Variants in MRPS31 observed in about 807,000 individuals in gnomAD.
MRPS31 encodes small ribosomal subunit protein mS31.
MRPS31 carries 32 observed loss-of-function variants against 43.1 expected under a neutral mutation model. The ratio of observed to expected loss-of-function variants is 0.74; its 90% CI spans 0.56 to 1.00. MRPS31 has a LOEUF of 1.00. Ranked by LOEUF, MRPS31 falls within the 50% of genes least tolerant of loss-of-function variation. The pLI is 0.00. For missense variants in MRPS31, 437 were observed against 466.7 expected, an observed-to-expected ratio of 0.94 and a Z score of 0.59; for synonymous variants, 165 against 161.6, an observed-to-expected ratio of 1.02 and a Z score of -0.16.
intron 2 of MRPS31, among the ~76,000 whole-genome samples, chr13:40,759,395 G>A (rs1379748733): frequency 1.3e-5 from 2 of 151,954 alleles, no homozygotes; most frequent in Non-Finnish European, 2.9e-5. Flanking sequence ...CCAAGATCAC[G>A]CCACTGCACT....
intron 2 of MRPS31, among the ~76,000 whole-genome samples, chr13:40,762,798 GTGTGTGT>G (rs1880738419): frequency 1.2e-5 from 1 of 80,646 alleles, no homozygotes; most frequent in South Asian, 5.8e-4. Context: ...GTGTGTGTGT[GTGTGTGT>G]GTGTGTGTGT....
chr13:40,735,652 C>T lies in MRPS31; in HGVS notation c.959-6051G>A, dbSNP rs367718005. Among the ~76,000 whole-genome samples the T allele has an allele frequency of 3.2e-4, 48 of 152,212 alleles. 1 individual carries two copies. The East Asian group carries it at 8.5e-3, about 27-fold the overall frequency. On this transcript the variant is annotated intron_variant, in intron 6 of 6. Coordinates refer to ENST00000323563, the MANE Select transcript of MRPS31 (RefSeq NM_005830.4). Reference sequence around the variant, plus strand: ...ACCCCCGAGCAGCCTAACTGGGAGGCACCCACCAGCAGGGGCAGACTGACA... The same window carrying T: ...ACCCCCGAGCAGCCTAACTGGGAGGTACCCACCAGCAGGGGCAGACTGACA...
At chr13:40,751,622 A>G (rs1219518093) in intron 5 of MRPS31, among the ~76,000 whole-genome samples, 3 of 152,246 alleles carry the variant, frequency 2.0e-5, no homozygotes, top group African/African-American at 7.2e-5. Flanking sequence ...AACTCATTCA[A>G]TCAGTCAATA....
chr13:40,766,333 C>T (rs969228159), intron 2 of MRPS31, among the ~76,000 whole-genome samples: 2 of 152,148 alleles, frequency 1.3e-5, no homozygotes, highest in African/African-American at 4.8e-5. Flanking sequence ...CGCTTGATCC[C>T]CCAGGCTGGA....
rs1431378629 is a variant in MRPS31 at position 40,766,227 on chromosome 13, G to C, written c.440+519C>G. Among the ~76,000 whole-genome samples, 3 of 152,274 alleles carry C rather than the reference G, an allele frequency of 2.0e-5. No individual in the cohort carries two copies. The East Asian group carries it at 5.8e-4, about 29-fold the overall frequency. On this transcript the variant is annotated intron_variant, in intron 2 of 6. Transcript: ENST00000323563. ...ATTTCTCCTTTCCTTTCTCTGGATTGTGTACAGATATCCTCTTGTTATTTA... is the reference window on the plus strand; with the variant it reads ...ATTTCTCCTTTCCTTTCTCTGGATTCTGTACAGATATCCTCTTGTTATTTA...
rs1880038737 is a variant in MRPS31 at position 40,740,090 on chromosome 13, C to T, written c.958+9048G>A. ...TCTACAATGAACTCAAGCAAATTTA[C>T]AAGAAAAAAACAACCCCATCAAAAA... On this transcript the variant is annotated intron_variant, in intron 6 of 6. Transcript: ENST00000323563. 4.6e-5 allele frequency among the ~76,000 whole-genome samples: 7 copies of T among 150,828 alleles called. No homozygotes were observed. The South Asian group carries it at 1.5e-3, about 32-fold the overall frequency.
At chr13:40,735,920 A>C (rs1377141004) in intron 6 of MRPS31, among the ~76,000 whole-genome samples, 1 of 150,696 alleles carries the variant, frequency 6.6e-6, no homozygotes, top group Non-Finnish European at 1.5e-5. Flanking sequence ...AACGGAACAA[A>C]GCTGGATGGA....
At chr13:40,749,995 T>C (rs757275099) in intron 5 of MRPS31, among the ~76,000 whole-genome samples, 4 of 152,212 alleles carry the variant, frequency 2.6e-5, no homozygotes, top group African/African-American at 7.2e-5. Context: ...TTATTCAACA[T>C]AGTCGTTTCA....
chr13:40,730,549 A>G lies in MRPS31; in HGVS notation c.959-948T>C, dbSNP rs111371776. On this transcript the variant is annotated intron_variant, in intron 6 of 6. Coordinates refer to ENST00000323563, the MANE Select transcript of MRPS31 (RefSeq NM_005830.4). ...CAATCAATCAATCAATAGGATAGCA[A>G]TTATTGCCAATGATTATTTTTTTCT... is the stretch of plus-strand genomic sequence containing the variant. Among the ~76,000 whole-genome samples, 489 of 152,250 alleles carry G rather than the reference A, an allele frequency of 3.2e-3. 5 individuals are homozygous for G. Among genetic ancestry groups the G allele is most frequent in the African/African-American group, 0.011 (463 of 41,538 alleles).
At position 40,771,150 on chromosome 13, in the gene MRPS31, A is replaced by G. The variant is rs1245429716; in HGVS notation, c.-14T>C. 1.3e-6 allele frequency: 2 copies of G among 1,592,682 alleles called. No homozygotes were observed. The highest frequency in any genetic ancestry group is 1.7e-6 in the Non-Finnish European group (2 of 1,167,538). On this transcript the variant is annotated 5_prime_UTR_variant, in exon 1 of 7. Transcript: ENST00000323563. Reference sequence around the variant, plus strand: ...TCTAGGAAACATCGCCGAGACACGAAATGAACCAAGAACACAACTGAAATG... The same window carrying G: ...TCTAGGAAACATCGCCGAGACACGAGATGAACCAAGAACACAACTGAAATG...
chr13:40,751,666 A>C (rs1167888270), intron 5 of MRPS31, among the ~76,000 whole-genome samples: 2 of 152,224 alleles, frequency 1.3e-5, no homozygotes, highest in Non-Finnish European at 2.9e-5. Context: ...TATTTCCAGC[A>C]TTATTTCAGG....
intron 6 of MRPS31, 122 bp from the exon 7 acceptor site, chr13:40,729,723 A>T: frequency 1.5e-6 from 1 of 662,884 alleles, no homozygotes; most frequent in Non-Finnish European, 2.5e-6. Flanking sequence ...AGTTAGACCT[A>T]GGTTGCATTT....
chr13:40,744,412 T>C (rs1327217609), intron 6 of MRPS31, among the ~76,000 whole-genome samples: 1 of 151,960 alleles, frequency 6.6e-6, no homozygotes, highest in East Asian at 1.9e-4. Context: ...TAAATGAGAG[T>C]TTTAAAAAGG....
At chr13:40,756,032 C>T (rs1880516606) in intron 4 of MRPS31, among the ~76,000 whole-genome samples, 3 of 152,110 alleles carry the variant, frequency 2.0e-5, no homozygotes, top group Non-Finnish European at 2.9e-5. Context: ...CTTGAACTTC[C>T]GGTGTTAACT....
rs1880462999 is a variant in MRPS31, at chr13:40,754,015, A to C, written c.814+4T>G. 1 of 1,569,036 alleles carries C rather than the reference A, an allele frequency of 6.4e-7. No individual in the cohort carries two copies. The highest frequency in any genetic ancestry group is 1.7e-5 in the Admixed American group (1 of 58,166). On this transcript the variant is annotated splice_donor_region_variant and intron_variant, in intron 5 of 6. Coordinates refer to ENST00000323563, the MANE Select transcript of MRPS31 (RefSeq NM_005830.4). ...CCTGAGAAAGAGTGTTATTCTTAAC[A>C]AACCTGTTTCAGGTGCTTCTTTAGT...
At chr13:40,769,196 T>C (rs1055451195) in intron 1 of MRPS31, among the ~76,000 whole-genome samples, 47 of 151,268 alleles carry the variant, frequency 3.1e-4, no homozygotes, top group African/African-American at 1.1e-3. Context: ...GCCAATATGG[T>C]GAAATCCAGT....
chr13:40,734,989 G>C (rs1879837431), intron 6 of MRPS31, among the ~76,000 whole-genome samples: 1 of 152,226 alleles, frequency 6.6e-6, no homozygotes, highest in Non-Finnish European at 1.5e-5. Flanking sequence ...CGACGCAGAA[G>C]ACGGGTGATT....
At chr13:40,757,162 G>T in intron 3 of MRPS31, 149 bp from the exon 4 acceptor site, 3 of 582,764 alleles carry the variant, frequency 5.1e-6, no homozygotes, top group Non-Finnish European at 8.5e-6. Flanking sequence ...AAAAAATGTC[G>T]CCTATTAACA....
chr13:40,755,840 G>A (rs887330064), intron 4 of MRPS31, among the ~76,000 whole-genome samples: 4 of 152,072 alleles, frequency 2.6e-5, no homozygotes, highest in African/African-American at 7.2e-5. Context: ...TCCTAATGTA[G>A]TTGCACAGAA....
Sources: gnomAD v4.1 joint callset for allele counts (sites outside exome capture counted in the v4.1 genomes callset) on GRCh38, gnomAD v4.1.1 for gene constraint, MANE v1.5 for transcripts, NCBI Gene and HGNC (gene_info 2026-07-23, HGNC 2026-07-21) for gene names.